EDA: variants seen among roughly 807,000 people sequenced by gnomAD.
EDA encodes the protein ectodysplasin-A.
A neutral mutation model predicts 23.6 loss-of-function variants in EDA; 2 were observed. The ratio of observed to expected loss-of-function variants is 0.08; its 90% CI spans 0.03 to 0.27. The LOEUF is 0.27. EDA is among the 10% of genes least tolerant of loss of function. The probability of loss-of-function intolerance (pLI) is 1.00; values close to 1 mark genes in which losing one functional copy is unlikely to be tolerated. For synonymous variants in EDA, 131 were observed against 132.0 expected (o/e 0.99, Z 0.05); for missense variants, 229 against 324.2 (o/e 0.71, Z 2.26).
chrX:69,949,209 G>T (rs1170821737), intron 1 of EDA, among the ~76,000 whole-genome samples: 2 of 111,847 alleles, frequency 1.8e-5, no homozygotes, highest in African/African-American at 3.3e-5. Context: ...TCCTCTTGAG[G>T]GGCATGAAGT....
At chrX:69,844,726 T>A (rs2016970623) in intron 1 of EDA, among the ~76,000 whole-genome samples, 2 of 112,430 alleles carry the variant, frequency 1.8e-5, no homozygotes, top group South Asian at 7.4e-4. Context: ...TCTGCTTTTG[T>A]CTCCAAAGTC....
At chrX:69,794,333 A>G (rs1157158422) in intron 1 of EDA, among the ~76,000 whole-genome samples, 1 of 112,114 alleles carries the variant, frequency 8.9e-6, no homozygotes, top group African/African-American at 3.2e-5. Context: ...GCTTTAAGTA[A>G]GGGATATTGT....
At chrX:69,885,186 G>A (rs941576161) in intron 1 of EDA, among the ~76,000 whole-genome samples, 2 of 111,235 alleles carry the variant, frequency 1.8e-5, no homozygotes, top group Admixed American at 9.6e-5. Flanking sequence ...CTTTTATTGT[G>A]GTAAAATATA....
chrX:70,021,575 A>G (rs1377004976), intron 2 of EDA, among the ~76,000 whole-genome samples: 1 of 111,623 alleles, frequency 9.0e-6, no homozygotes, highest in Non-Finnish European at 1.9e-5. Context: ...TTCCAAGCAC[A>G]TTTTCAAGAA....
intron 1 of EDA, among the ~76,000 whole-genome samples, chrX:69,826,816 A>G (rs1373993745): frequency 1.8e-5 from 2 of 111,035 alleles, no homozygotes; most frequent in African/African-American, 6.5e-5. Context: ...ACATTTTGGC[A>G]TGATTTTGCA....
At chrX:70,035,220 C>A in intron 7 of EDA, 138 bp from the exon 8 acceptor site, 1 of 704,597 alleles carries the variant, frequency 1.4e-6, no homozygotes, top group East Asian at 3.5e-5. Flanking sequence ...CCAGCTAGCA[C>A]GCCTTCACAT....
At chrX:69,684,444 G>T (rs1934478083) in intron 1 of EDA, among the ~76,000 whole-genome samples, 1 of 111,731 alleles carries the variant, frequency 9.0e-6, no homozygotes, top group African/African-American at 3.3e-5. Context: ...CAATTAAATT[G>T]TGATCATCTA....
At chrX:69,790,807 A>G (rs926687722) in intron 1 of EDA, among the ~76,000 whole-genome samples, 1 of 104,786 alleles carries the variant, frequency 9.5e-6, no homozygotes, top group Non-Finnish European at 1.9e-5. Context: ...AATTTCTTAG[A>G]TGAATTGTAA....
intron 1 of EDA, among the ~76,000 whole-genome samples, chrX:69,915,166 A>T (rs1199535086): frequency 1.8e-5 from 2 of 111,842 alleles, no homozygotes; most frequent in African/African-American, 6.5e-5. Context: ...CATAAGTCTC[A>T]TTAGGCCTTT....
intron 1 of EDA, among the ~76,000 whole-genome samples, chrX:69,677,310 G>A (rs1424093867): frequency 4.6e-5 from 5 of 109,267 alleles, no homozygotes; most frequent in Non-Finnish European, 9.5e-5. Context: ...TGTCTTTATA[G>A]CAGCATGATT....
intron 2 of EDA, among the ~76,000 whole-genome samples, chrX:69,979,213 C>A (rs930365704): frequency 8.9e-6 from 1 of 111,888 alleles, no homozygotes; most frequent in Non-Finnish European, 1.9e-5. Context: ...GGTCCATCTG[C>A]GTTATAGCAT....
chrX:69,678,191 T>G (rs1264934128), intron 1 of EDA, among the ~76,000 whole-genome samples: 3 of 110,785 alleles, frequency 2.7e-5, no homozygotes, highest in Non-Finnish European at 5.7e-5. Flanking sequence ...ATCTCTGTTT[T>G]GGTACCAGTA....
At chrX:69,650,696 T>C (rs1375579310) in intron 1 of EDA, among the ~76,000 whole-genome samples, 2 of 111,847 alleles carry the variant, frequency 1.8e-5, no homozygotes, top group African/African-American at 3.2e-5. Context: ...TCCAAAAATA[T>C]AATATGTACA....
intron 1 of EDA, among the ~76,000 whole-genome samples, chrX:69,706,605 C>T (rs2011731861): frequency 1.3e-5 from 1 of 78,943 alleles, no homozygotes; most frequent in Non-Finnish European, 2.2e-5. Context: ...TGGTTCAGTC[C>T]AGAAAGGCAG....
In EDA at chrX:70,033,108, G is replaced by A. The variant is rs188594794; in HGVS notation, c.794-290G>A. 1.1e-3 allele frequency among the ~76,000 whole-genome samples: 120 copies of A among 112,588 alleles called. 2 individuals carry two copies. Among genetic ancestry groups the A allele is most frequent in the African/African-American group, 3.7e-3 (114 of 31,050 alleles). On this transcript the variant is annotated intron_variant, in intron 6 of 7. Transcript: ENST00000374552. ...AGCATGCCCACTCTCATCCTCCACC[G>A]GCAAATTCCAGCTAGAAGGTATTGG... is the stretch of plus-strand genomic sequence containing the variant.
intron 1 of EDA, among the ~76,000 whole-genome samples, chrX:69,708,881 A>G (rs2011850162): frequency 9.0e-6 from 1 of 111,726 alleles, no homozygotes; most frequent in Admixed American, 9.5e-5. Flanking sequence ...TATGTGGTCA[A>G]GAAATACCTC....
At chrX:69,834,982 T>C (rs895113818) in intron 1 of EDA, among the ~76,000 whole-genome samples, 1 of 80,641 alleles carries the variant, frequency 1.2e-5, no homozygotes, top group Non-Finnish European at 2.8e-5. Flanking sequence ...AAGCTTAGTT[T>C]GGCTGGATAT....
At chrX:69,642,742 A>G (rs570276791) in intron 1 of EDA, among the ~76,000 whole-genome samples, 3 of 111,579 alleles carry the variant, frequency 2.7e-5, no homozygotes, top group African/African-American at 6.5e-5. Flanking sequence ...TATAGCTTCA[A>G]TGTAAATACC....
chrX:69,836,253 C>G (rs1347177296), intron 1 of EDA, among the ~76,000 whole-genome samples: 2 of 112,420 alleles, frequency 1.8e-5, no homozygotes, highest in Admixed American at 9.4e-5. Flanking sequence ...CTGAGAGAAC[C>G]ACTGCTCTCT....
Sources: gnomAD v4.1 joint callset for allele counts (sites outside exome capture counted in the v4.1 genomes callset) on GRCh38, gnomAD v4.1.1 for gene constraint, MANE v1.5 for transcripts, NCBI Gene and HGNC (gene_info 2026-07-23, HGNC 2026-07-21) for gene names.